Variants in UBE2R2 observed in about 807,000 individuals in gnomAD.
UBE2R2 encodes ubiquitin conjugating enzyme E2 R2.
A neutral mutation model predicts 27.8 loss-of-function variants in UBE2R2; 1 was observed. The ratio of observed to expected loss-of-function variants is 0.04; its 90% CI spans 0.01 to 0.17. UBE2R2 has a LOEUF of 0.17. UBE2R2 is among the 10% of genes least tolerant of loss of function. The pLI is 1.00. For missense variants in UBE2R2, 100 were observed against 291.0 expected (o/e 0.34, Z 4.78); for synonymous variants, 106 against 113.3 (o/e 0.94, Z 0.41).
chr9:33,874,520 A>G (rs1821561257), intron 1 of UBE2R2, among the ~76,000 whole-genome samples: 2 of 152,216 alleles, frequency 1.3e-5, no homozygotes, highest in Admixed American at 1.3e-4. Flanking sequence ...TTAAATATAT[A>G]CATAATGCAT....
At chr9:33,908,460 T>A (rs1171188585) in intron 3 of UBE2R2, among the ~76,000 whole-genome samples, 1 of 151,958 alleles carries the variant, frequency 6.6e-6, no homozygotes, top group Non-Finnish European at 1.5e-5. Context: ...TTATTCCCCA[T>A]ACAAAAAAGA....
In UBE2R2 at chr9:33,817,776, A is replaced by C. The variant is rs751441666; in HGVS notation, c.19A>C (p.Thr7Pro). 1 of 1,594,512 alleles carries C rather than the reference A, an allele frequency of 6.3e-7. No homozygotes were observed. Among genetic ancestry groups the C allele is most frequent in the South Asian group, 1.1e-5 (1 of 89,096 alleles). The change falls in exon 1 of 5, where the codon ACC becomes CCC. Residue 7 changes from threonine to proline, a missense_variant. Physicochemically the swap from Thr to Pro is conservative, Grantham distance 38. Coordinates refer to ENST00000263228, the MANE Select transcript of UBE2R2 (RefSeq NM_017811.4). MAQQQM[T>P]SSQKALMLEL... is the part of the protein sequence containing the mutation. ...CGCCGCGATGGCCCAGCAGCAGATG[A>C]CCAGCTCGCAGAAGGCCCTGATGCT...
At position 33,879,851 on chromosome 9, in the gene UBE2R2, AGTCT is replaced by A. The variant is rs914609666; in HGVS notation, c.178-7026_178-7023del. Among the ~76,000 whole-genome samples the A allele has an allele frequency of 2.1e-4, 28 of 135,800 alleles. 1 individual carries two copies. The South Asian group carries it at 3.1e-3, about 15-fold the overall frequency. 89.1% of individuals were successfully genotyped at this position (135,800 alleles called of 152,430 possible). A position where few individuals can be genotyped will look rare whatever the true frequency, so the allele number is the denominator to read the frequency against. On this transcript the variant is annotated intron_variant, in intron 1 of 4. Coordinates refer to ENST00000263228, the MANE Select transcript of UBE2R2 (RefSeq NM_017811.4). ...CTGCTTGCTTCTAGTTTAATTTCAT[AGTCT>A]GTCCTTTCCTCTTTATTTTGTTTGT...
chr9:33,897,775 C>CTTTT (rs35277355), intron 2 of UBE2R2, among the ~76,000 whole-genome samples: 1 of 127,976 alleles, frequency 7.8e-6, no homozygotes, highest in African/African-American at 3.0e-5. Context: ...TTTCTTTTTT[C>CTTTT]TTTTTTTTTT....
chr9:33,829,784 A>G (rs1450069661), intron 1 of UBE2R2, among the ~76,000 whole-genome samples: 1 of 141,582 alleles, frequency 7.1e-6, no homozygotes, highest in East Asian at 2.2e-4. Flanking sequence ...TCTTTAGATT[A>G]GTGCAATCGT....
In UBE2R2 at chr9:33,919,768, C is replaced by T. The variant is rs997275350; in HGVS notation, c.*2531C>T. 4 of 152,016 alleles carry T rather than the reference C, an allele frequency of 2.6e-5. No individual in the cohort carries two copies. The highest frequency in any genetic ancestry group is 4.8e-5 in the African/African-American group (2 of 41,354). The allele number at this position is 152,016 out of a possible 1,614,324, so 9.4% of individuals were successfully genotyped here. ...GGGAGTGGAGGTCTCAGGCTCAATC[C>T]GGAACCATGTACGTACAGTTTTGCT... On this transcript the variant is annotated 3_prime_UTR_variant, in exon 5 of 5. Coordinates refer to ENST00000263228, the MANE Select transcript of UBE2R2 (RefSeq NM_017811.4).
At chr9:33,842,980 A>G (rs1439896992) in intron 1 of UBE2R2, among the ~76,000 whole-genome samples, 2 of 145,896 alleles carry the variant, frequency 1.4e-5, no homozygotes, top group Admixed American at 7.0e-5. Context: ...TGATCGTGCT[A>G]CTGCATGGCA....
rs192286354 is a variant in UBE2R2, at chr9:33,844,936, T to G, written c.177+27002T>G. Among the ~76,000 whole-genome samples the G allele has an allele frequency of 1.6e-4, 25 of 151,780 alleles. No individual in the cohort carries two copies. The East Asian group carries it at 4.5e-3, about 27-fold the overall frequency. Reference sequence around the variant, plus strand: ...CGTGTGCCACCACGCCTGGATAATTTTTTTGTATTGTTAGTAGAGACGGGG... The same window carrying G: ...CGTGTGCCACCACGCCTGGATAATTGTTTTGTATTGTTAGTAGAGACGGGG... On this transcript the variant is annotated intron_variant, in intron 1 of 4. Transcript: ENST00000263228.
Position 33,920,073 on chromosome 9 carries a change from G to GT in UBE2R2, c.*2837dup, listed in dbSNP as rs1822776401. 1 of 152,524 alleles carries GT rather than the reference G, an allele frequency of 6.6e-6. No homozygotes were observed. Among genetic ancestry groups the GT allele is most frequent in the African/African-American group, 2.4e-5 (1 of 41,424 alleles). The allele number at this position is 152,524 out of a possible 1,614,324, so 9.4% of individuals were successfully genotyped here. A position where few individuals can be genotyped will look rare whatever the true frequency, so the allele number is the denominator to read the frequency against. ...TTTCCTTACGTTTGGGGCACATGTTGTAAGAAACTGATTGGAAGGGGAAAT... is the reference window on the plus strand; with the variant it reads ...TTTCCTTACGTTTGGGGCACATGTTGTTAAGAAACTGATTGGAAGGGGAAAT... On this transcript the variant is annotated 3_prime_UTR_variant, in exon 5 of 5. Transcript: ENST00000263228.
chr9:33,820,642 C>G (rs938675733), intron 1 of UBE2R2, among the ~76,000 whole-genome samples: 1 of 152,214 alleles, frequency 6.6e-6, no homozygotes, highest in Non-Finnish European at 1.5e-5. Context: ...TCACTCTTCT[C>G]CCTTATTAAA....
At chr9:33,833,103 T>C (rs771001735) in intron 1 of UBE2R2, among the ~76,000 whole-genome samples, 4 of 152,204 alleles carry the variant, frequency 2.6e-5, no homozygotes, top group Non-Finnish European at 5.9e-5. Context: ...TTTGCTGTAT[T>C]GCCCAGGCTG....
At chr9:33,837,493 A>G (rs1268006077) in intron 1 of UBE2R2, among the ~76,000 whole-genome samples, 2 of 150,398 alleles carry the variant, frequency 1.3e-5, no homozygotes, top group Admixed American at 6.7e-5. Flanking sequence ...TGGTGCGAAC[A>G]TAGCTTACTG....
Position 33,919,253 on chromosome 9 carries a change from C to T in UBE2R2, c.*2016C>T, listed in dbSNP as rs1587490131. ...AATGCTTCCAGATTAACCTGCAAAT[C>T]TTGTGGAGCCAAAGCCTCTCACAGT... On this transcript the variant is annotated 3_prime_UTR_variant, in exon 5 of 5. Transcript: ENST00000263228. 1.3e-5 allele frequency: 2 copies of T among 152,234 alleles called. No homozygotes were observed. The highest frequency in any genetic ancestry group is 2.9e-5 in the Non-Finnish European group (2 of 68,044). 9.4% of individuals were successfully genotyped at this position (152,234 alleles called of 1,614,324 possible).
chr9:33,851,767 A>G (rs1346170951), intron 1 of UBE2R2, among the ~76,000 whole-genome samples: 1 of 152,114 alleles, frequency 6.6e-6, no homozygotes, highest in African/African-American at 2.4e-5. Context: ...TTGAACTTCT[A>G]ATTTATTCAT....
intron 2 of UBE2R2, among the ~76,000 whole-genome samples, chr9:33,890,440 G>A (rs756791655): frequency 3.3e-5 from 5 of 151,974 alleles, no homozygotes; most frequent in African/African-American, 4.8e-5. Flanking sequence ...GGTGGCACGC[G>A]CCTGTAATCC....
chr9:33,884,289 C>CT lies in UBE2R2; in HGVS notation c.178-2579dup, dbSNP rs910443817. ...ACCCCTTTATTTTTTCTTTTTCTTT[C>CT]TTTTTTTTTTTTTGAGACAGGCTCT... On this transcript the variant is annotated intron_variant, in intron 1 of 4. Coordinates refer to ENST00000263228, the MANE Select transcript of UBE2R2 (RefSeq NM_017811.4). Among the ~76,000 whole-genome samples, 467 of 100,032 alleles carry CT rather than the reference C, an allele frequency of 4.7e-3. 2 individuals carry two copies. Among genetic ancestry groups the CT allele is most frequent in the Non-Finnish European group, 4.7e-3 (244 of 51,664 alleles). 65.6% of individuals were successfully genotyped at this position (100,032 alleles called of 152,430 possible).
In UBE2R2 at chr9:33,911,946, CT is replaced by C; in HGVS notation, c.363-12del. The C allele has an allele frequency of 3.7e-6, 6 of 1,604,194 alleles. No individual in the cohort carries two copies. Among genetic ancestry groups the C allele is most frequent in the South Asian group, 1.1e-5 (1 of 87,822 alleles). ...TAAATATGGGTATTCATAGCTGATC[CT>C]TTTTTCCTGTTTCTAGGACTATCCT... On this transcript the variant is annotated splice_polypyrimidine_tract_variant and intron_variant, in intron 3 of 4. Transcript: ENST00000263228.
chr9:33,916,149 T>C (rs1822635643), intron 4 of UBE2R2, among the ~76,000 whole-genome samples: 1 of 152,196 alleles, frequency 6.6e-6, no homozygotes, highest in Non-Finnish European at 1.5e-5. Flanking sequence ...GAGACCAGCC[T>C]GGCCAACATG....
chr9:33,837,382 G>A (rs1348539859), intron 1 of UBE2R2, among the ~76,000 whole-genome samples: 1 of 147,826 alleles, frequency 6.8e-6, no homozygotes, highest in Non-Finnish European at 1.5e-5. Context: ...GAGCCACTGT[G>A]CCCAGCCTCT....
Sources: allele counts gnomAD v4.1 joint callset (sites outside exome capture counted in the v4.1 genomes callset), GRCh38; gene constraint gnomAD v4.1.1; transcripts MANE v1.5; gene names NCBI Gene and HGNC (gene_info 2026-07-23, HGNC 2026-07-21).